PPP2R2B: variants seen among roughly 807,000 people sequenced by gnomAD.
PPP2R2B encodes the protein protein phosphatase 2 regulatory subunit Bbeta.
A neutral mutation model predicts 46.0 loss-of-function variants in PPP2R2B; 5 were observed. The observed-to-expected ratio is 0.11, with a 90% confidence interval of 0.06 to 0.23. The LOEUF (loss-of-function observed/expected upper bound fraction) is 0.23, where lower values mean the gene tolerates loss of function less well. Ranked by LOEUF, PPP2R2B falls within the 10% of genes least tolerant of loss-of-function variation. The pLI is 1.00. For missense variants in PPP2R2B, 367 were observed against 575.0 expected (o/e 0.64, Z 3.70); for synonymous variants, 215 against 206.7 (o/e 1.04, Z -0.34).
intron 2 of PPP2R2B, among the ~76,000 whole-genome samples, chr5:146,800,108 C>G (rs319837): frequency 0.88 from 134,513 of 152,228 alleles, 59,630 homozygotes; most frequent in African/African-American, 0.94. Flanking sequence ...TCAATTCAAT[C>G]ATGAAAGAAA....
chr5:147,009,429 AT>A (rs1446349979), intron 1 of PPP2R2B, among the ~76,000 whole-genome samples: 2 of 152,138 alleles, frequency 1.3e-5, no homozygotes, highest in Admixed American at 1.3e-4. Context: ...GATAATTCAT[AT>A]TTCTTTGAAA....
At chr5:146,928,727 C>A (rs1763870475) in intron 1 of PPP2R2B, among the ~76,000 whole-genome samples, 1 of 152,118 alleles carries the variant, frequency 6.6e-6, no homozygotes, top group African/African-American at 2.4e-5. Context: ...AGCATCGTAG[C>A]CAGAAAGATC....
chr5:146,942,079 T>G (rs1764339640), intron 1 of PPP2R2B, among the ~76,000 whole-genome samples: 1 of 152,174 alleles, frequency 6.6e-6, no homozygotes, highest in Non-Finnish European at 1.5e-5. Context: ...TTATATTGGA[T>G]CAGGGCCCAC....
At chr5:146,660,912 G>T (rs1776627733) in intron 5 of PPP2R2B, among the ~76,000 whole-genome samples, 1 of 152,214 alleles carries the variant, frequency 6.6e-6, no homozygotes, top group African/African-American at 2.4e-5. Flanking sequence ...AGGGAAGAAA[G>T]ACATTAATGT....
chr5:146,737,931 C>A (rs1469372624), intron 2 of PPP2R2B, among the ~76,000 whole-genome samples: 1 of 150,776 alleles, frequency 6.6e-6, no homozygotes. Context: ...CAGAGTGAGA[C>A]CCTGTCTCAA....
chr5:146,750,052 G>A (rs538373181), intron 2 of PPP2R2B, among the ~76,000 whole-genome samples: 3 of 152,034 alleles, frequency 2.0e-5, no homozygotes, highest in Admixed American at 1.3e-4. Flanking sequence ...TCTTTCCTCC[G>A]TTGAATTGCT....
chr5:146,913,466 A>G (rs1763264379), intron 1 of PPP2R2B, among the ~76,000 whole-genome samples: 1 of 152,188 alleles, frequency 6.6e-6, no homozygotes, highest in Non-Finnish European at 1.5e-5. Context: ...ATTGAAAGAA[A>G]TAGAGGCCAA....
chr5:147,061,811 A>G (rs1757266613), intron 2 of PPP2R2B, among the ~76,000 whole-genome samples: 1 of 152,222 alleles, frequency 6.6e-6, no homozygotes, highest in African/African-American at 2.4e-5. Flanking sequence ...ATTAAAAAGA[A>G]CGAAAGAAGG....
At chr5:146,728,654 C>A (rs142934009) in intron 2 of PPP2R2B, among the ~76,000 whole-genome samples, 57 of 152,064 alleles carry the variant, frequency 3.7e-4, no homozygotes, top group Non-Finnish European at 5.6e-4. Flanking sequence ...TGGGAGGGAC[C>A]CAGGGGGAGT....
At chr5:146,920,228 A>C (rs1449917616) in intron 1 of PPP2R2B, among the ~76,000 whole-genome samples, 1 of 152,210 alleles carries the variant, frequency 6.6e-6, no homozygotes, top group Non-Finnish European at 1.5e-5. Context: ...TTGCTAGTTT[A>C]AATTTAGTGG....
chr5:146,666,350 G>A (rs138295211), intron 5 of PPP2R2B, among the ~76,000 whole-genome samples: 1 of 152,290 alleles, frequency 6.6e-6, no homozygotes, highest in African/African-American at 2.4e-5. Flanking sequence ...ATATGGAACC[G>A]TAAATATAGT....
chr5:146,613,803 G>A (rs1314190734), intron 7 of PPP2R2B, among the ~76,000 whole-genome samples: 7 of 143,430 alleles, frequency 4.9e-5, no homozygotes, highest in Admixed American at 4.8e-4. Flanking sequence ...GGGATAGGAA[G>A]GACCTCTTCA....
intron 1 of PPP2R2B, among the ~76,000 whole-genome samples, chr5:146,994,385 C>T (rs1440252118): frequency 6.6e-6 from 1 of 152,110 alleles, no homozygotes; most frequent in African/African-American, 2.4e-5. Flanking sequence ...CAGAAGCCAA[C>T]TCTGAGTCAA....
chr5:146,677,900 T>G (rs1437637948), intron 5 of PPP2R2B, among the ~76,000 whole-genome samples: 2 of 152,208 alleles, frequency 1.3e-5, no homozygotes. Flanking sequence ...AGACCATACA[T>G]GTCCATCATG....
At chr5:146,774,627 G>T (rs1161944923) in intron 2 of PPP2R2B, among the ~76,000 whole-genome samples, 1 of 152,028 alleles carries the variant, frequency 6.6e-6, no homozygotes, top group African/African-American at 2.4e-5. Flanking sequence ...GACCAGCCTG[G>T]CCAACACGGC....
chr5:146,987,385 C>A, intron 1 of PPP2R2B, among the ~76,000 whole-genome samples: 1 of 151,682 alleles, frequency 6.6e-6, no homozygotes, highest in African/African-American at 2.4e-5. Context: ...GTGTAAGTAC[C>A]AAAAGATAAA....
chr5:146,620,520 G>T (rs1056683640), intron 7 of PPP2R2B, among the ~76,000 whole-genome samples: 1 of 152,176 alleles, frequency 6.6e-6, no homozygotes, highest in Non-Finnish European at 1.5e-5. Flanking sequence ...TGGTAACAGC[G>T]AGGGCTGGCT....
At chr5:147,073,364 T>C (rs1216126390) in intron 2 of PPP2R2B, among the ~76,000 whole-genome samples, 1 of 152,170 alleles carries the variant, frequency 6.6e-6, no homozygotes, top group East Asian at 1.9e-4. Flanking sequence ...AGCCTCCTCA[T>C]ATCAAGACAT....
At chr5:146,689,599 T>A (rs7727991) in intron 5 of PPP2R2B, among the ~76,000 whole-genome samples, 42,034 of 152,086 alleles carry the variant, frequency 0.28, 6,265 homozygotes, top group East Asian at 0.63. Flanking sequence ...TTTCTCAGAA[T>A]ATATTCCCAT....
Sources: allele counts gnomAD v4.1 joint callset (sites outside exome capture counted in the v4.1 genomes callset), GRCh38; gene constraint gnomAD v4.1.1; transcripts MANE v1.5; gene names NCBI Gene and HGNC (gene_info 2026-07-23, HGNC 2026-07-21).